The following RAD54B variants were observed in gnomAD, a reference collection of about 807,000 sequenced individuals.
The protein encoded by RAD54B is DNA repair and recombination protein RAD54B.
A neutral mutation model predicts 95.8 loss-of-function variants in RAD54B; 78 were observed. The ratio of observed to expected loss-of-function variants is 0.81; its 90% CI spans 0.68 to 0.98. RAD54B has a LOEUF of 0.98. RAD54B is among the 50% of genes least tolerant of loss of function. The probability of loss-of-function intolerance (pLI) is 0.00; values close to 1 mark genes in which losing one functional copy is unlikely to be tolerated. For missense variants in RAD54B, 957 were observed against 1,056.6 expected, an observed-to-expected ratio of 0.91 and a Z score of 1.31; for synonymous variants, 328 against 354.9, an observed-to-expected ratio of 0.92 and a Z score of 0.85.
intron 3 of RAD54B, among the ~76,000 whole-genome samples, chr8:94,434,663 GGAT>G (rs3136412): frequency 0.018 from 2,726 of 151,252 alleles, 67 homozygotes; most frequent in African/African-American, 0.061. Flanking sequence ...TAAGATTCAA[GGAT>G]GATATCAATC....
intron 3 of RAD54B, among the ~76,000 whole-genome samples, chr8:94,434,924 CAAAT>C (rs1253483688): frequency 6.6e-6 from 1 of 151,388 alleles, no homozygotes; most frequent in Non-Finnish European, 1.5e-5. Flanking sequence ...TTCACACACA[CAAAT>C]AGTCAAAATG....
intron 3 of RAD54B, among the ~76,000 whole-genome samples, chr8:94,454,052 A>G (rs1812725598): frequency 6.6e-6 from 1 of 151,996 alleles, no homozygotes; most frequent in South Asian, 2.1e-4. Flanking sequence ...CAGCCTCCCA[A>G]AGTGCTGGGA....
chr8:94,467,272 G>T, intron 2 of RAD54B, 133 bp downstream of exon 2: 1 of 803,356 alleles, frequency 1.2e-6, no homozygotes, highest in Non-Finnish European at 1.8e-6. Flanking sequence ...CATTTCCAAG[G>T]TTTTTAGAAG....
intron 3 of RAD54B, chr8:94,432,163 G>GT (rs1563654876): frequency 6.5e-7 from 1 of 1,549,790 alleles, no homozygotes; most frequent in Admixed American, 2.0e-5. Context: ...AGATCATGCC[G>GT]TAAGCGAATT....
chr8:94,379,932 A>C (rs1013279554), intron 12 of RAD54B, among the ~76,000 whole-genome samples: 22 of 152,336 alleles, frequency 1.4e-4, no homozygotes, highest in Admixed American at 3.3e-4. Context: ...ACAAGCTTCT[A>C]TATCTTCATC....
intron 2 of RAD54B, among the ~76,000 whole-genome samples, chr8:94,460,650 T>C (rs1036748765): frequency 6.6e-6 from 1 of 152,206 alleles, no homozygotes; most frequent in African/African-American, 2.4e-5. Flanking sequence ...AATTTATCAT[T>C]TTATAGTTTC....
intron 14 of RAD54B, among the ~76,000 whole-genome samples, chr8:94,374,944 A>G (rs1387072118): frequency 6.6e-6 from 1 of 152,220 alleles, no homozygotes; most frequent in Non-Finnish European, 1.5e-5. Flanking sequence ...TTCATTCGTA[A>G]TAAGAGAATA....
At chr8:94,455,370 T>C (rs1812756466) in intron 3 of RAD54B, among the ~76,000 whole-genome samples, 3 of 152,202 alleles carry the variant, frequency 2.0e-5, no homozygotes, top group African/African-American at 7.2e-5. Flanking sequence ...CAAAACATTT[T>C]TAAATCTATA....
Position 94,399,925 on chromosome 8 carries a change from A to G in RAD54B, c.1171-304T>C, listed in dbSNP as rs73695196. 6.8e-3 allele frequency among the ~76,000 whole-genome samples: 1,041 copies of G among 152,270 alleles called. 15 individuals are homozygous for G. Among genetic ancestry groups the G allele is most frequent in the African/African-American group, 0.024 (993 of 41,564 alleles). ...TACTGTATCCTCACATGGTAAAGAA[A>G]GGAAGTTCTGGTGTCTCTTGCTCTG... On this transcript the variant is annotated intron_variant, in intron 7 of 14. Coordinates refer to ENST00000336148, the MANE Select transcript of RAD54B (RefSeq NM_012415.3).
chr8:94,375,703 G>T (rs1424581267), intron 14 of RAD54B, among the ~76,000 whole-genome samples: 4 of 152,144 alleles, frequency 2.6e-5, no homozygotes, highest in Non-Finnish European at 5.9e-5. Flanking sequence ...AGGAAACTCT[G>T]TAACAATACG....
At chr8:94,395,917 T>C (rs1182911117) in intron 8 of RAD54B, among the ~76,000 whole-genome samples, 3 of 152,190 alleles carry the variant, frequency 2.0e-5, no homozygotes, top group African/African-American at 7.2e-5. Flanking sequence ...GACTTCCAGT[T>C]ATATGGGGGA....
At chr8:94,432,846 T>C (rs1812148727) in intron 3 of RAD54B, among the ~76,000 whole-genome samples, 1 of 152,030 alleles carries the variant, frequency 6.6e-6, no homozygotes, top group African/African-American at 2.4e-5. Context: ...TAATACATAC[T>C]CACAGATCTC....
chr8:94,372,200 C>T lies in RAD54B; in HGVS notation c.2703G>A (p.Gln901=), dbSNP rs1262359489. 4 of 1,610,504 alleles carry T rather than the reference C, an allele frequency of 2.5e-6. No homozygotes were observed. The African/African-American group carries it at 5.3e-5, about 22-fold the overall frequency. Residue 901 remains glutamine (Q), a synonymous_variant, in exon 15 of 15, where the codon CAG becomes CAA. Transcript: ENST00000336148. ...TGCCAGTAGCTTGAGTGGTTATATTCTGAAAAATGAATGACACATTTTCTG... is the reference window on the plus strand; with the variant it reads ...TGCCAGTAGCTTGAGTGGTTATATTTTGAAAAATGAATGACACATTTTCTG... The part of the protein sequence containing the change: ...RITENVSFIF[Q]NITTQATGT
At chr8:94,431,926 G>A (rs564430898) in intron 3 of RAD54B, 2 of 1,219,134 alleles carry the variant, frequency 1.6e-6, no homozygotes, top group African/African-American at 3.2e-5. Context: ...AAAAAAAGAA[G>A]ACAATAAAAA....
At chr8:94,433,037 G>A (rs1025593160) in intron 3 of RAD54B, among the ~76,000 whole-genome samples, 1 of 152,064 alleles carries the variant, frequency 6.6e-6, no homozygotes, top group African/African-American at 2.4e-5. Flanking sequence ...TCTCAGTCTT[G>A]TTATCCCCAT....
intron 3 of RAD54B, among the ~76,000 whole-genome samples, chr8:94,446,167 T>C (rs1459129583): frequency 6.6e-6 from 1 of 152,224 alleles, no homozygotes; most frequent in Non-Finnish European, 1.5e-5. Flanking sequence ...AAAACTTAGA[T>C]AAATTAGATA....
intron 7 of RAD54B, 140 bp from the exon 8 acceptor site, chr8:94,399,761 A>G (rs1345603446): frequency 1.7e-6 from 2 of 1,161,072 alleles, no homozygotes; most frequent in Admixed American, 5.8e-5. Flanking sequence ...AGGCTGCTAT[A>G]AACAAAATAC....
chr8:94,400,132 A>G, intron 7 of RAD54B, 106 bp downstream of exon 7: 2 of 983,452 alleles, frequency 2.0e-6, no homozygotes, highest in Non-Finnish European at 3.0e-6. Context: ...CTAAAACTCC[A>G]TTTTTGTGCA....
intron 3 of RAD54B, among the ~76,000 whole-genome samples, chr8:94,413,939 G>A (rs556692672): frequency 1.9e-4 from 28 of 150,860 alleles, no homozygotes; most frequent in African/African-American, 4.4e-4. Flanking sequence ...GGGTTCAAGC[G>A]ATTCTCCTGC....
Sources: allele counts gnomAD v4.1 joint callset (sites outside exome capture counted in the v4.1 genomes callset), GRCh38; gene constraint gnomAD v4.1.1; transcripts MANE v1.5; gene names NCBI Gene and HGNC (gene_info 2026-07-23, HGNC 2026-07-21).